Variants in GRIP1 observed in about 807,000 individuals in gnomAD.
The protein encoded by GRIP1 is glutamate receptor-interacting protein 1.
Under a neutral mutation model 129.9 loss-of-function variants are expected in GRIP1, and 45 were observed. The ratio of observed to expected loss-of-function variants is 0.35; its 90% CI spans 0.27 to 0.44. The LOEUF (loss-of-function observed/expected upper bound fraction) is 0.44, where lower values mean the gene tolerates loss of function less well. Ranked by LOEUF, GRIP1 falls within the 20% of genes least tolerant of loss-of-function variation. GRIP1 has a pLI of 1.00. For synonymous variants in GRIP1, 530 were observed against 520.8 expected (o/e 1.02, Z -0.24); for missense variants, 1,196 against 1,396.8 (o/e 0.86, Z 2.29).
chr12:66,512,255 G>A lies in GRIP1; in HGVS notation c.724+3364C>T, dbSNP rs146069476. Among the ~76,000 whole-genome samples the A allele has an allele frequency of 9.2e-5, 14 of 152,186 alleles. No individual in the cohort carries two copies. In the East Asian group the frequency reaches 2.3e-3, roughly 25 times the overall value. ...ATGGGGCACTGCTATAAAGATACTC[G>A]AAAATGTGGAAGTGACTTTGGAACT... On this transcript the variant is annotated intron_variant, in intron 7 of 24. Transcript: ENST00000359742.
chr12:66,632,740 A>T (rs2030943028), intron 1 of GRIP1, among the ~76,000 whole-genome samples: 1 of 152,190 alleles, frequency 6.6e-6, no homozygotes, highest in African/African-American at 2.4e-5. Flanking sequence ...AATACATACA[A>T]TTTTGAGGGA....
Position 67,021,040 on chromosome 12 carries a change from G to A in GRIP1, c.58+48010C>T, listed in dbSNP as rs139448961. On this transcript the variant is annotated intron_variant, in intron 1 of 1. Coordinates refer to the GRIP1 transcript ENST00000643019. ...TTCAGCCCAGGAGTTCAAGGCTGCA[G>A]TGAGCTATGATTGTACCACTGCACT... Among the ~76,000 whole-genome samples the A allele has an allele frequency of 2.1e-3, 314 of 152,172 alleles. 1 individual carries two copies. Among genetic ancestry groups the A allele is most frequent in the African/African-American group, 6.9e-3 (285 of 41,544 alleles).
chr12:66,968,385 G>A (rs1415522043), intron 1 of GRIP1, among the ~76,000 whole-genome samples: 1 of 151,896 alleles, frequency 6.6e-6, no homozygotes, highest in East Asian at 1.9e-4. Flanking sequence ...ACGACTCTAG[G>A]TTTCCTATGT....
rs981538023 is a variant in GRIP1 at position 66,542,812 on chromosome 12, T to C, written c.137-862A>G. Among the ~76,000 whole-genome samples, 10 of 152,174 alleles carry C rather than the reference T, an allele frequency of 6.6e-5. 1 individual carries two copies. On this transcript the variant is annotated intron_variant, in intron 2 of 24. Transcript: ENST00000359742. ...GTGATGTTATTCCCCTATCTGCAAATATATTTTCTTGGTAGGGATGGGGAA... is the reference window on the plus strand; with the variant it reads ...GTGATGTTATTCCCCTATCTGCAAACATATTTTCTTGGTAGGGATGGGGAA...
intron 24 of GRIP1, among the ~76,000 whole-genome samples, chr12:66,351,555 GGTT>G (rs1240269750): frequency 5.6e-5 from 8 of 143,520 alleles, no homozygotes; most frequent in African/African-American, 1.9e-4. Flanking sequence ...ACAGGAAGGT[GGTT>G]TTTTTTTTTT....
intron 1 of GRIP1, among the ~76,000 whole-genome samples, chr12:66,783,893 G>A (rs1431120199): frequency 5.3e-5 from 8 of 152,102 alleles, no homozygotes; most frequent in Admixed American, 5.2e-4. Context: ...TATCTAACCT[G>A]TAGTAGAACT....
At chr12:66,371,662 G>C in intron 23 of GRIP1, 32 bp downstream of exon 23, 1 of 1,444,022 alleles carries the variant, frequency 6.9e-7, no homozygotes, top group Non-Finnish European at 9.8e-7. Flanking sequence ...TGCCAAATTT[G>C]ACCCTAGGGA....
intron 2 of GRIP1, among the ~76,000 whole-genome samples, chr12:66,574,809 G>T (rs2063086806): frequency 1.1e-5 from 1 of 87,464 alleles, no homozygotes; most frequent in Non-Finnish European, 2.6e-5. Flanking sequence ...TTTAGACGGA[G>T]TCTCGCTCTG....
intron 20 of GRIP1, among the ~76,000 whole-genome samples, chr12:66,378,210 G>A (rs2055907530): frequency 6.6e-6 from 1 of 152,176 alleles, no homozygotes; most frequent in Non-Finnish European, 1.5e-5. Context: ...GGGAGGCCTA[G>A]GTGGGCAGAT....
chr12:66,897,254 G>A (rs970636626), intron 1 of GRIP1, among the ~76,000 whole-genome samples: 3 of 152,204 alleles, frequency 2.0e-5, no homozygotes, highest in South Asian at 2.1e-4. Context: ...AGCTATAAGC[G>A]CTCACTGAAA....
intron 1 of GRIP1, among the ~76,000 whole-genome samples, chr12:66,792,194 A>G (rs535186521): frequency 3.9e-5 from 6 of 152,318 alleles, no homozygotes; most frequent in East Asian, 1.9e-4. Context: ...ACTTTTCTCT[A>G]CAAAGCTTAA....
chr12:66,989,833 T>A (rs2042368135), intron 1 of GRIP1, among the ~76,000 whole-genome samples: 1 of 152,122 alleles, frequency 6.6e-6, no homozygotes, highest in Non-Finnish European at 1.5e-5. Context: ...GAGTTACAAC[T>A]GCAGAAATAA....
In GRIP1 at chr12:66,533,839, TTA is replaced by T. The variant is rs200150484; in HGVS notation, c.419-3927_419-3926del. On this transcript the variant is annotated intron_variant, in intron 4 of 24. Coordinates refer to ENST00000359742, the MANE Select transcript of GRIP1 (RefSeq NM_001366722.1). ...GTCAAACCAGTTTTCTTCTATCAGA[TTA>T]CACACACACACACACACACACTCAC... Among the ~76,000 whole-genome samples, 56 of 98,250 alleles carry T rather than the reference TTA, an allele frequency of 5.7e-4. 1 individual carries two copies. In the East Asian group the frequency reaches 0.016, roughly 29 times the overall value. The allele number at this position is 98,250 out of a possible 152,430, so 64.5% of individuals were successfully genotyped here.
intron 1 of GRIP1, among the ~76,000 whole-genome samples, chr12:66,869,048 A>G (rs2040251744): frequency 6.6e-6 from 1 of 152,096 alleles, no homozygotes; most frequent in African/African-American, 2.4e-5. Flanking sequence ...CACACCATAG[A>G]AACTCTGCAT....
intron 1 of GRIP1, among the ~76,000 whole-genome samples, chr12:66,843,906 G>A (rs1209066628): frequency 6.6e-6 from 1 of 151,972 alleles, no homozygotes; most frequent in Admixed American, 6.6e-5. Flanking sequence ...ATGACTTCTT[G>A]GATATGCCAC....
At chr12:66,902,793 C>T (rs865983051) in intron 1 of GRIP1, among the ~76,000 whole-genome samples, 3 of 152,154 alleles carry the variant, frequency 2.0e-5, no homozygotes, top group South Asian at 4.2e-4. Context: ...GCTTGTATTT[C>T]GAATGAAATA....
At chr12:66,899,928 A>T (rs1413807153) in intron 1 of GRIP1, among the ~76,000 whole-genome samples, 1 of 152,064 alleles carries the variant, frequency 6.6e-6, no homozygotes, top group Non-Finnish European at 1.5e-5. Flanking sequence ...TCAGGCAGGC[A>T]CTTCCTGCCT....
At chr12:66,743,105 A>T (rs914279642) in intron 1 of GRIP1, among the ~76,000 whole-genome samples, 4 of 152,194 alleles carry the variant, frequency 2.6e-5, no homozygotes, top group Non-Finnish European at 4.4e-5. Context: ...AATAAAGAAG[A>T]GAACCATTCT....
intron 1 of GRIP1, among the ~76,000 whole-genome samples, chr12:67,050,136 T>C (rs1045947100): frequency 6.6e-6 from 1 of 152,008 alleles, no homozygotes; most frequent in Non-Finnish European, 1.5e-5. Flanking sequence ...TTGTCTTTTA[T>C]GTTACAAATG....
Sources: allele counts gnomAD v4.1 joint callset (sites outside exome capture counted in the v4.1 genomes callset), GRCh38; gene constraint gnomAD v4.1.1; transcripts MANE v1.5; gene names NCBI Gene and HGNC (gene_info 2026-07-23, HGNC 2026-07-21).